Variants in BASP1 observed in about 807,000 individuals in gnomAD.
The protein encoded by BASP1 is brain abundant membrane attached signal protein 1, also known as brain acid soluble protein 1.
A neutral mutation model predicts 2.2 loss-of-function variants in BASP1; 1 was observed. The observed-to-expected ratio is 0.46, with a 90% CI of 0.16 to 2.17. The LOEUF is 2.17. Ranked by LOEUF, BASP1 falls within the 30% of genes most tolerant of loss-of-function variation. The pLI is 0.27. For missense variants in BASP1, 352 were observed against 327.2 expected (o/e 1.08, Z -0.58); for synonymous variants, 187 against 154.2 (o/e 1.21, Z -1.58).
intron 1 of BASP1, among the ~76,000 whole-genome samples, chr5:17,220,337 T>C (rs1433927044): frequency 6.6e-6 from 1 of 152,208 alleles, no homozygotes; most frequent in Admixed American, 6.5e-5. Flanking sequence ...ACGTTCTTTC[T>C]TTTTTCTTTT....
chr5:17,270,872 C>T (rs959379971), intron 1 of BASP1, among the ~76,000 whole-genome samples: 2 of 152,048 alleles, frequency 1.3e-5, no homozygotes, highest in Non-Finnish European at 2.9e-5. Context: ...AACGGAAGGA[C>T]GATGAGATTA....
In BASP1 at chr5:17,218,005, A is replaced by T. The variant is rs901481388; in HGVS notation, c.-10+195A>T. ...CGTCGCACTTCGGGGATCCCGGGTG[A>T]TGGGGGGCCCAGAAGTGGGAGGCTT... On this transcript the variant is annotated intron_variant, in intron 1 of 1. Coordinates refer to ENST00000322611, the MANE Select transcript of BASP1 (RefSeq NM_006317.5). Among the ~76,000 whole-genome samples, 3 of 150,198 alleles carry T rather than the reference A, an allele frequency of 2.0e-5. No individual in the cohort carries two copies. The East Asian group carries it at 6.1e-4, about 31-fold the overall frequency.
At chr5:17,262,844 A>G (rs298589) in intron 1 of BASP1, among the ~76,000 whole-genome samples, 48,578 of 150,384 alleles carry the variant, frequency 0.32, 8,062 homozygotes, top group East Asian at 0.4. Flanking sequence ...ACTAAGATCA[A>G]ATCTTCTTTT....
chr5:17,220,332 C>T (rs76526078), intron 1 of BASP1, among the ~76,000 whole-genome samples: 2,779 of 152,000 alleles, frequency 0.018, 87 homozygotes, highest in African/African-American at 0.063. Flanking sequence ...GAGCTACGTT[C>T]TTTCTTTTTT....
intron 1 of BASP1, among the ~76,000 whole-genome samples, chr5:17,241,717 T>A (rs1308931790): frequency 6.6e-6 from 1 of 152,212 alleles, no homozygotes; most frequent in Non-Finnish European, 1.5e-5. Context: ...TGAGCCAGTG[T>A]GTGCCACCAT....
In BASP1 at chr5:17,275,759, C is replaced by T; in HGVS notation, c.543C>T (p.Pro181=). 2 of 1,612,626 alleles carry T rather than the reference C, an allele frequency of 1.2e-6. No homozygotes were observed. Among genetic ancestry groups the T allele is most frequent in the Non-Finnish European group, 1.7e-6 (2 of 1,179,594 alleles). ...DSKPGSSEAA[P]SSKETPAATE... is the part of the protein sequence containing the mutation. ...AACCCGGCAGCTCGGAGGCTGCCCC[C>T]TCTTCCAAGGAGACCCCCGCAGCCA... Residue 181 remains proline (P), a synonymous_variant, in exon 2 of 2, where the codon CCC becomes CCT. Coordinates refer to ENST00000322611, the MANE Select transcript of BASP1 (RefSeq NM_006317.5). The surrounding 1 kb of genome is among the most constrained non-coding windows in gnomAD (Gnocchi z 5.3).
chr5:17,259,288 C>T (rs115618601), intron 1 of BASP1, among the ~76,000 whole-genome samples: 1 of 152,140 alleles, frequency 6.6e-6, no homozygotes. Context: ...GCAGGAAAGA[C>T]CTGCCCCCAT....
chr5:17,254,642 A>G (rs918418788), intron 1 of BASP1, among the ~76,000 whole-genome samples: 4 of 152,222 alleles, frequency 2.6e-5, no homozygotes, highest in African/African-American at 7.2e-5. Context: ...TTGAATAATC[A>G]CATTTATTTA....
At chr5:17,238,286 G>A (rs775995569) in intron 1 of BASP1, among the ~76,000 whole-genome samples, 1 of 151,206 alleles carries the variant, frequency 6.6e-6, no homozygotes, top group Non-Finnish European at 1.5e-5. Flanking sequence ...TTCATTCTAC[G>A]TAGCTGGCTA....
In BASP1 at chr5:17,275,582, T is replaced by C; in HGVS notation, c.366T>C (p.Ala122=). ...GPAAGGEAPK[A]AEAAAAPAES... Reference sequence around the variant, plus strand: ...CTGCGGGCGGCGAGGCCCCCAAAGCTGCTGAGGCCGCCGCGGCCCCGGCCG... The same window carrying C: ...CTGCGGGCGGCGAGGCCCCCAAAGCCGCTGAGGCCGCCGCGGCCCCGGCCG... Residue 122 remains alanine, a synonymous_variant, in exon 2 of 2, where the codon GCT becomes GCC. Transcript: ENST00000322611. This position sits in a 1 kb window ranked among gnomAD's most constrained non-coding sequence, Gnocchi z 5.3. 1 of 1,402,264 alleles carries C rather than the reference T, an allele frequency of 7.1e-7. No homozygotes were observed. Among genetic ancestry groups the C allele is most frequent in the Non-Finnish European group, 9.2e-7 (1 of 1,082,488 alleles). The allele number at this position is 1,402,264 out of a possible 1,614,324, so 86.9% of individuals were successfully genotyped here. A position where few individuals can be genotyped will look rare whatever the true frequency, so the allele number is the denominator to read the frequency against.
chr5:17,220,238 A>G (rs1214626695), intron 1 of BASP1, among the ~76,000 whole-genome samples: 4 of 152,162 alleles, frequency 2.6e-5, no homozygotes, highest in Admixed American at 1.3e-4. Context: ...TCTACTGGCT[A>G]CGGTGGCTGT....
chr5:17,226,321 T>C (rs1739504255), intron 1 of BASP1, among the ~76,000 whole-genome samples: 1 of 152,232 alleles, frequency 6.6e-6, no homozygotes, highest in Non-Finnish European at 1.5e-5. Flanking sequence ...ATAAAAACTT[T>C]TCCTGGTTGA....
intron 1 of BASP1, among the ~76,000 whole-genome samples, chr5:17,265,977 A>T (rs995909398): frequency 2.0e-5 from 3 of 152,184 alleles, no homozygotes; most frequent in Non-Finnish European, 4.4e-5. Context: ...TCTATTAAGG[A>T]CATAATAAGT....
At chr5:17,271,416 C>T (rs894043234) in intron 1 of BASP1, among the ~76,000 whole-genome samples, 1 of 152,162 alleles carries the variant, frequency 6.6e-6, no homozygotes, top group Non-Finnish European at 1.5e-5. Flanking sequence ...GCCACCACAC[C>T]CGGTCTTTAA....
Position 17,275,977 on chromosome 5 carries a change from CTCTCTA to C in BASP1, c.*82_*87del, listed in dbSNP as rs1740651769. 3.5e-5 allele frequency: 45 copies of C among 1,273,806 alleles called. No individual in the cohort carries two copies. The highest frequency in any genetic ancestry group is 8.2e-5 in the East Asian group (3 of 36,546). The allele number at this position is 1,273,806 out of a possible 1,614,324, so 78.9% of individuals were successfully genotyped here. A position where few individuals can be genotyped will look rare whatever the true frequency, so the allele number is the denominator to read the frequency against. On this transcript the variant is annotated 3_prime_UTR_variant, in exon 2 of 2. Coordinates refer to ENST00000322611, the MANE Select transcript of BASP1 (RefSeq NM_006317.5). This position sits in a 1 kb window ranked among gnomAD's most constrained non-coding sequence, Gnocchi z 5.3. The stretch of plus-strand genomic sequence containing the variant: ...TCTCTCTCTCTCTCTCTCTATCTCT[CTCTCTA>C]TCTCCTCTCTCTCTCTCCTCTCCTA...
intron 1 of BASP1, among the ~76,000 whole-genome samples, chr5:17,252,781 A>C (rs1257115996): frequency 1.3e-5 from 2 of 152,216 alleles, no homozygotes; most frequent in African/African-American, 2.4e-5. Flanking sequence ...TATCCTTTAG[A>C]CCTGAATCAC....
intron 1 of BASP1, among the ~76,000 whole-genome samples, chr5:17,234,363 C>T (rs981031734): frequency 6.6e-6 from 1 of 151,948 alleles, no homozygotes; most frequent in South Asian, 2.1e-4. Context: ...TATACACTTA[C>T]ACATTTGAAG....
At chr5:17,239,651 C>T (rs1739821685) in intron 1 of BASP1, among the ~76,000 whole-genome samples, 1 of 152,100 alleles carries the variant, frequency 6.6e-6, no homozygotes, top group South Asian at 2.1e-4. Flanking sequence ...GTTCTAGAGC[C>T]TTGCAAAGTA....
chr5:17,265,322 T>A lies in BASP1; in HGVS notation c.-9-9886T>A, dbSNP rs182836566. On this transcript the variant is annotated intron_variant, in intron 1 of 1. Transcript: ENST00000322611. ...AAACCATATCATGCGAAGACTTGAA[T>A]AACATTAAATAATGGATGTAACCAA... 2.5e-3 allele frequency among the ~76,000 whole-genome samples: 378 copies of A among 152,292 alleles called. 1 individual carries two copies. The highest frequency in any genetic ancestry group is 3.5e-3 in the Non-Finnish European group (241 of 68,022).
Sources: gnomAD v4.1 joint callset for allele counts (sites outside exome capture counted in the v4.1 genomes callset) on GRCh38, gnomAD v4.1.1 for gene constraint, Gnocchi (gnomAD v3.1) non-coding constraint, MANE v1.5 for transcripts, NCBI Gene and HGNC (gene_info 2026-07-23, HGNC 2026-07-21) for gene names.